Variants in F13A1 observed in about 807,000 individuals in gnomAD.
The protein encoded by F13A1 is coagulation factor XIII A chain.
A neutral mutation model predicts 80.1 loss-of-function variants in F13A1; 47 were observed. The ratio of observed to expected loss-of-function variants is 0.59; its 90% CI spans 0.46 to 0.75. F13A1 has a LOEUF of 0.75. Among genes scored for constraint, F13A1 ranks in the 30% least tolerant of loss-of-function variants. The pLI is 0.00. For synonymous variants in F13A1, 349 were observed against 344.9 expected, an observed-to-expected ratio of 1.01 and a Z score of -0.13; for missense variants, 817 against 930.4, an observed-to-expected ratio of 0.88 and a Z score of 1.59.
intron 8 of F13A1, among the ~76,000 whole-genome samples, chr6:6,207,207 C>A (rs1761504711): frequency 6.6e-6 from 1 of 152,164 alleles, no homozygotes; most frequent in Non-Finnish European, 1.5e-5. Context: ...AGTAGCTTTG[C>A]AAACTTGCAG....
chr6:6,221,160 C>T (rs1012915644), intron 8 of F13A1, among the ~76,000 whole-genome samples: 31 of 152,180 alleles, frequency 2.0e-4, no homozygotes, highest in African/African-American at 7.2e-4. Flanking sequence ...AATTTCCTCC[C>T]ACACAGACCT....
chr6:6,248,295 C>T lies in F13A1; in HGVS notation c.798+17G>A, dbSNP rs772719830. 1.2e-6 allele frequency: 2 copies of T among 1,600,582 alleles called. No individual in the cohort carries two copies. The highest frequency in any genetic ancestry group is 1.7e-6 in the Non-Finnish European group (2 of 1,167,930). On this transcript the variant is annotated intron_variant, in intron 6 of 14. Transcript: ENST00000264870. ...GACAGGTGTAACAGATTTTAGGTAT[C>T]AGTAATTGCTGCTTACCATTGCAGA...
intron 13 of F13A1, 123 bp from the exon 14 acceptor site, chr6:6,152,072 G>T: frequency 8.9e-7 from 1 of 1,125,806 alleles, no homozygotes; most frequent in Non-Finnish European, 1.3e-6. Flanking sequence ...AATGGAACCA[G>T]TGTGATGAGG....
chr6:6,308,096 C>A (rs910246732), intron 2 of F13A1, among the ~76,000 whole-genome samples: 3 of 152,054 alleles, frequency 2.0e-5, no homozygotes, highest in Non-Finnish European at 4.4e-5. Context: ...TCACTGCAAC[C>A]TCTGCCTCCT....
intron 3 of F13A1, among the ~76,000 whole-genome samples, chr6:6,300,440 C>G (rs1044115216): frequency 6.6e-6 from 1 of 151,894 alleles, no homozygotes; most frequent in Non-Finnish European, 1.5e-5. Context: ...GATATAATCT[C>G]CTGATGCGCC....
chr6:6,300,568 C>G (rs927036910), intron 3 of F13A1, among the ~76,000 whole-genome samples: 2 of 152,328 alleles, frequency 1.3e-5, no homozygotes, highest in Non-Finnish European at 2.9e-5. Context: ...CCTTGCACTT[C>G]CTGAGTGAGG....
chr6:6,306,558 G>A (rs1561686173), intron 2 of F13A1, among the ~76,000 whole-genome samples: 1 of 152,240 alleles, frequency 6.6e-6, no homozygotes, highest in Admixed American at 6.5e-5. Flanking sequence ...GACTGAAAGT[G>A]GGGGTCATCC....
At chr6:6,283,725 T>G (rs1462479390) in intron 3 of F13A1, among the ~76,000 whole-genome samples, 2 of 152,226 alleles carry the variant, frequency 1.3e-5, no homozygotes, top group Non-Finnish European at 2.9e-5. Context: ...GAGAAACATT[T>G]TTGAACGAAC....
In F13A1 at chr6:6,306,166, C is replaced by T. The variant is rs1016859694; in HGVS notation, c.131-627G>A. ...TCTGGAGAAAGGACACTAAGATTTCCATGAGATAAGTGTGATTGTTTTCAG... is the reference window on the plus strand; with the variant it reads ...TCTGGAGAAAGGACACTAAGATTTCTATGAGATAAGTGTGATTGTTTTCAG... On this transcript the variant is annotated intron_variant, in intron 2 of 14. Coordinates refer to ENST00000264870, the MANE Select transcript of F13A1 (RefSeq NM_000129.4). 2.0e-5 allele frequency among the ~76,000 whole-genome samples: 3 copies of T among 152,152 alleles called. No homozygotes were observed. In the South Asian group the frequency reaches 6.2e-4, roughly 32 times the overall value.
At chr6:6,198,645 T>C (rs1761334519) in intron 8 of F13A1, among the ~76,000 whole-genome samples, 1 of 152,138 alleles carries the variant, frequency 6.6e-6, no homozygotes, top group Non-Finnish European at 1.5e-5. Context: ...GATCAAAACA[T>C]AGATTCTTAC....
intron 5 of F13A1, 32 bp from the exon 6 acceptor site, chr6:6,248,451 A>G (rs773477271): frequency 2.0e-5 from 32 of 1,564,678 alleles, no homozygotes; most frequent in Non-Finnish European, 2.5e-5. Flanking sequence ...AAGAGAAACT[A>G]GTGTTCACTC....
At chr6:6,256,749 G>T (rs1387679734) in intron 4 of F13A1, among the ~76,000 whole-genome samples, 3 of 152,120 alleles carry the variant, frequency 2.0e-5, no homozygotes, top group Non-Finnish European at 2.9e-5. Flanking sequence ...ACTGATTTTA[G>T]TATCTGTATA....
At chr6:6,272,681 A>C (rs1014732669) in intron 3 of F13A1, among the ~76,000 whole-genome samples, 3 of 152,216 alleles carry the variant, frequency 2.0e-5, no homozygotes, top group African/African-American at 7.2e-5. Context: ...TTTCCTTGCC[A>C]GTCAAAACCC....
At chr6:6,306,445 G>A (rs2113185799) in intron 2 of F13A1, among the ~76,000 whole-genome samples, 1 of 152,326 alleles carries the variant, frequency 6.6e-6, no homozygotes, top group Non-Finnish European at 1.5e-5. Context: ...GAATGTGACA[G>A]GAGACGGCAT....
At chr6:6,230,486 G>C (rs138412788) in intron 6 of F13A1, among the ~76,000 whole-genome samples, 177 of 152,226 alleles carry the variant, frequency 1.2e-3, no homozygotes, top group Admixed American at 2.8e-3. Context: ...CCAGCCCCCA[G>C]TTGATGGTCC....
intron 3 of F13A1, among the ~76,000 whole-genome samples, chr6:6,269,409 C>G (rs1422653067): frequency 1.3e-5 from 2 of 151,684 alleles, no homozygotes; most frequent in Middle Eastern, 3.2e-3. Flanking sequence ...TATCAAAGCC[C>G]AAATCTATTT....
chr6:6,191,636 T>G (rs142167558), intron 10 of F13A1, among the ~76,000 whole-genome samples: 1 of 152,178 alleles, frequency 6.6e-6, no homozygotes, highest in African/African-American at 2.4e-5. Flanking sequence ...GCAGAAGATA[T>G]GCTCTTCACC....
intron 12 of F13A1, among the ~76,000 whole-genome samples, chr6:6,171,783 G>A (rs1271311383): frequency 6.6e-6 from 1 of 152,192 alleles, no homozygotes; most frequent in Non-Finnish European, 1.5e-5. Context: ...CTGCCCCCTT[G>A]CCACCTTTGT....
Position 6,211,788 on chromosome 6 carries a change from T to C in F13A1, c.1112+10245A>G, listed in dbSNP as rs1231300371. 2.0e-5 allele frequency among the ~76,000 whole-genome samples: 3 copies of C among 152,122 alleles called. 1 individual carries two copies. The highest frequency in any genetic ancestry group is 7.2e-5 in the African/African-American group (3 of 41,494). ...GTACCGGGTTCATCTCACTAGGGAG[T>C]GCCAGACAGTGGGCGCAGGTTAGTG... On this transcript the variant is annotated intron_variant, in intron 8 of 14. Coordinates refer to ENST00000264870, the MANE Select transcript of F13A1 (RefSeq NM_000129.4).
Sources: gnomAD v4.1 joint callset for allele counts (sites outside exome capture counted in the v4.1 genomes callset) on GRCh38, gnomAD v4.1.1 for gene constraint, MANE v1.5 for transcripts, NCBI Gene and HGNC (gene_info 2026-07-23, HGNC 2026-07-21) for gene names.